Variants in CBX7 observed in about 807,000 individuals in gnomAD.
The protein encoded by CBX7 is chromobox protein homolog 7.
In CBX7, 14 loss-of-function variants were observed where a neutral mutation model predicts 31.4. That is an observed-to-expected ratio of 0.45 (90% confidence interval 0.29 to 0.70). The LOEUF (loss-of-function observed/expected upper bound fraction) is 0.70, where lower values mean the gene tolerates loss of function less well. Among genes scored for constraint, CBX7 ranks in the 30% least tolerant of loss-of-function variants. The probability of loss-of-function intolerance (pLI) is 0.11; values close to 1 mark genes in which losing one functional copy is unlikely to be tolerated. For missense variants in CBX7, 269 were observed against 351.9 expected (o/e 0.76, Z 1.89); for synonymous variants, 159 against 152.6 (o/e 1.04, Z -0.31).
intron 5 of CBX7, 165 bp downstream of exon 5, chr22:39,134,236 G>C (rs1930157220): frequency 1.2e-6 from 1 of 851,278 alleles, no homozygotes. Flanking sequence ...AGCTCAGCCA[G>C]AGCGGGACGA....
At chr22:39,151,531 C>A (rs193101361) in intron 1 of CBX7, among the ~76,000 whole-genome samples, 3 of 152,308 alleles carry the variant, frequency 2.0e-5, no homozygotes, top group African/African-American at 7.2e-5. Flanking sequence ...CCCTCCCAGT[C>A]GGCCTGGAGC....
intron 3 of CBX7, 183 bp downstream of exon 3, chr22:39,141,188 C>G: frequency 1.8e-6 from 1 of 552,168 alleles, no homozygotes; most frequent in Non-Finnish European, 3.2e-6. Flanking sequence ...GGAAAGGGCC[C>G]CAGGGTCCTC....
chr22:39,149,610 C>T, intron 2 of CBX7, 179 bp downstream of exon 2: 1 of 632,334 alleles, frequency 1.6e-6, no homozygotes. Flanking sequence ...CACCTTGACC[C>T]TCCTGTGGTC....
rs1930128394 is a variant in CBX7 at position 39,133,677 on chromosome 22, C to T, written c.*214G>A. ...TGCCCTGGGGGTGGTACCCCAACTC[C>T]CAGAGCAACTCTCTCCATCCCCAGC... is the stretch of plus-strand genomic sequence containing the variant. On this transcript the variant is annotated 3_prime_UTR_variant, in exon 6 of 6. Coordinates refer to ENST00000216133, the MANE Select transcript of CBX7 (RefSeq NM_175709.5). 2.1e-6 allele frequency: 1 copy of T among 472,482 alleles called. No homozygotes were observed. Among genetic ancestry groups the T allele is most frequent in the Admixed American group, 3.8e-5 (1 of 26,242 alleles). 29.3% of individuals were successfully genotyped at this position (472,482 alleles called of 1,614,324 possible). A position where few individuals can be genotyped will look rare whatever the true frequency, so the allele number is the denominator to read the frequency against.
chr22:39,139,686 G>C (rs1316170278), intron 3 of CBX7, among the ~76,000 whole-genome samples: 1 of 119,778 alleles, frequency 8.3e-6, no homozygotes, highest in African/African-American at 3.3e-5. Flanking sequence ...CTGGGCAACA[G>C]AGCGAGACTC....
At chr22:39,142,823 C>A (rs996948480) in intron 2 of CBX7, among the ~76,000 whole-genome samples, 1 of 151,888 alleles carries the variant, frequency 6.6e-6, no homozygotes, top group Admixed American at 6.6e-5. Context: ...AATGGTGGAC[C>A]CATAAAATTA....
Position 39,152,542 on chromosome 22 carries a change from C to T in CBX7, c.-98G>A. The T allele has an allele frequency of 6.8e-6, 3 of 441,468 alleles. No individual in the cohort carries two copies. Among genetic ancestry groups the T allele is most frequent in the Non-Finnish European group, 9.0e-6 (3 of 333,902 alleles). The allele number at this position is 441,468 out of a possible 1,614,324, so 27.3% of individuals were successfully genotyped here. On this transcript the variant is annotated 5_prime_UTR_variant, in exon 1 of 6. Transcript: ENST00000216133. The surrounding 1 kb of genome is among the most constrained non-coding windows in gnomAD (Gnocchi z 4.9). ...CGCGATGCTGGGGCTGGCGGGGTCC[C>T]CGTCACCCTCGTCCGGGCGCGCACG...
chr22:39,140,819 T>C (rs1930427971), intron 3 of CBX7, among the ~76,000 whole-genome samples: 1 of 151,958 alleles, frequency 6.6e-6, no homozygotes, highest in Non-Finnish European at 1.5e-5. Flanking sequence ...AGACTGTGCC[T>C]GGGCCACTTG....
intron 2 of CBX7, among the ~76,000 whole-genome samples, chr22:39,144,085 C>A (rs939069271): frequency 1.7e-4 from 26 of 151,976 alleles, no homozygotes; most frequent in African/African-American, 6.0e-4. Context: ...GCCTCCCAAT[C>A]CCTAGAGCTG....
chr22:39,134,186 G>A (rs1210582050), intron 5 of CBX7, 138 bp from the exon 6 acceptor site: 6 of 973,060 alleles, frequency 6.2e-6, no homozygotes, highest in African/African-American at 3.3e-5. Flanking sequence ...CTGGACACTT[G>A]GGAGGAGGGC....
At position 39,133,168 on chromosome 22, in the gene CBX7, C is replaced by A. The variant is rs1930107259; in HGVS notation, c.*723G>T. On this transcript the variant is annotated 3_prime_UTR_variant, in exon 6 of 6. Transcript: ENST00000216133. Reference sequence around the variant, plus strand: ...GTTCGCAAGGCCCATGTGGACACGTCTGCAGCCACACATGCTTTCACGGGG... The same window carrying A: ...GTTCGCAAGGCCCATGTGGACACGTATGCAGCCACACATGCTTTCACGGGG... The A allele has an allele frequency of 6.6e-6, 1 of 152,250 alleles. No individual in the cohort carries two copies. The highest frequency in any genetic ancestry group is 2.1e-4 in the South Asian group (1 of 4,838). 9.4% of individuals were successfully genotyped at this position (152,250 alleles called of 1,614,324 possible).
At chr22:39,151,238 AAAGGAG>A (rs1930839937) in intron 1 of CBX7, among the ~76,000 whole-genome samples, 1 of 152,212 alleles carries the variant, frequency 6.6e-6, no homozygotes, top group South Asian at 2.1e-4. Flanking sequence ...ACCCTAGGAA[AAAGGAG>A]AAGGAGGAGG....
rs143408546 is a variant in CBX7 at position 39,143,568 on chromosome 22, C to T, written c.114-2132G>A. Among the ~76,000 whole-genome samples the T allele has an allele frequency of 7.8e-3, 1,195 of 152,286 alleles. 9 individuals carry two copies. Among genetic ancestry groups the T allele is most frequent in the Non-Finnish European group, 0.013 (858 of 68,022 alleles). On this transcript the variant is annotated intron_variant, in intron 2 of 5. Coordinates refer to ENST00000216133, the MANE Select transcript of CBX7 (RefSeq NM_175709.5). ...AATATTTCTGCATAAGTTAGTGTAG[C>T]GTAAGTGTACAATGTTGACAATAGA...
Position 39,152,284 on chromosome 22 carries a change from G to T in CBX7, c.69+92C>A. ...AGGGCTGCCGGGGCCCCCGCGCCCC[G>T]CTTTCCCCTTCAGCCCCAGCGTGGA... On this transcript the variant is annotated intron_variant, in intron 1 of 5. Coordinates refer to ENST00000216133, the MANE Select transcript of CBX7 (RefSeq NM_175709.5). This position sits in a 1 kb window ranked among gnomAD's most constrained non-coding sequence, Gnocchi z 4.9. 2 of 842,308 alleles carry T rather than the reference G, an allele frequency of 2.4e-6. No individual in the cohort carries two copies. The highest frequency in any genetic ancestry group is 3.1e-6 in the Non-Finnish European group (2 of 640,694). 52.2% of individuals were successfully genotyped at this position (842,308 alleles called of 1,614,324 possible). A position where few individuals can be genotyped will look rare whatever the true frequency, so the allele number is the denominator to read the frequency against.
At chr22:39,150,946 A>C (rs1048291166) in intron 1 of CBX7, among the ~76,000 whole-genome samples, 1 of 152,168 alleles carries the variant, frequency 6.6e-6, no homozygotes, top group Non-Finnish European at 1.5e-5. Flanking sequence ...CTCCATCTGA[A>C]GGCATCTGTC....
chr22:39,150,435 G>A (rs1210122361), intron 1 of CBX7, among the ~76,000 whole-genome samples: 1 of 152,114 alleles, frequency 6.6e-6, no homozygotes, highest in South Asian at 2.1e-4. Context: ...TCAGCCCTGT[G>A]GTTGTTAGAA....
intron 4 of CBX7, among the ~76,000 whole-genome samples, chr22:39,137,566 T>G (rs1028434475): frequency 6.6e-6 from 1 of 151,994 alleles, no homozygotes; most frequent in Non-Finnish European, 1.5e-5. Flanking sequence ...CCAGGCTGGT[T>G]TTGAACTTCT....
Position 39,133,627 on chromosome 22 carries a change from CG to C in CBX7, c.*263del. 1 of 343,688 alleles carries C rather than the reference CG, an allele frequency of 2.9e-6. No homozygotes were observed. Among genetic ancestry groups the C allele is most frequent in the South Asian group, 6.5e-5 (1 of 15,276 alleles). The allele number at this position is 343,688 out of a possible 1,614,324, so 21.3% of individuals were successfully genotyped here. A position where few individuals can be genotyped will look rare whatever the true frequency, so the allele number is the denominator to read the frequency against. On this transcript the variant is annotated 3_prime_UTR_variant, in exon 6 of 6. Coordinates refer to ENST00000216133, the MANE Select transcript of CBX7 (RefSeq NM_175709.5). ...GAGGAGAATGATAATGGTGGTGTCCCGGGCAGGTGATCCTGTCCCCATCCTG... is the reference window on the plus strand; with the variant it reads ...GAGGAGAATGATAATGGTGGTGTCCCGGCAGGTGATCCTGTCCCCATCCTG...
At position 39,152,588 on chromosome 22, in the gene CBX7, C is replaced by T. The variant is rs960940561; in HGVS notation, c.-144G>A. The T allele has an allele frequency of 1.2e-5, 2 of 163,380 alleles. No homozygotes were observed. The highest frequency in any genetic ancestry group is 4.8e-5 in the African/African-American group (2 of 41,274). The allele number at this position is 163,380 out of a possible 1,614,324, so 10.1% of individuals were successfully genotyped here. ...GCACGCGCACGCGCACGCGCGCACA[C>T]CCCCTCGCGCTCCCTCACGCCGCCG... On this transcript the variant is annotated 5_prime_UTR_variant, in exon 1 of 6. The change creates a new upstream start codon in the 5' untranslated region. Coordinates refer to ENST00000216133, the MANE Select transcript of CBX7 (RefSeq NM_175709.5). This position sits in a 1 kb window ranked among gnomAD's most constrained non-coding sequence, Gnocchi z 4.9.
Sources: gnomAD v4.1 joint callset for allele counts (sites outside exome capture counted in the v4.1 genomes callset) on GRCh38, gnomAD v4.1.1 for gene constraint, Gnocchi (gnomAD v3.1) non-coding constraint, MANE v1.5 for transcripts, NCBI Gene and HGNC (gene_info 2026-07-23, HGNC 2026-07-21) for gene names.